The following ROBO2 variants were observed in gnomAD, a reference collection of about 807,000 sequenced individuals.
ROBO2 encodes the protein roundabout guidance receptor 2, also known as roundabout homolog 2.
A neutral mutation model predicts 160.8 loss-of-function variants in ROBO2; 53 were observed. The ratio of observed to expected loss-of-function variants is 0.33; its 90% CI spans 0.26 to 0.41. The LOEUF (loss-of-function observed/expected upper bound fraction) is 0.41. ROBO2 is among the 10% of genes least tolerant of loss of function. ROBO2 has a pLI of 1.00. For synonymous variants in ROBO2, 664 were observed against 611.7 expected (o/e 1.09, Z -1.26); for missense variants, 1,577 against 1,722.4 (o/e 0.92, Z 1.49).
At chr3:76,216,227 C>T (rs186100002) in intron 2 of ROBO2, among the ~76,000 whole-genome samples, 116 of 152,214 alleles carry the variant, frequency 7.6e-4, no homozygotes, top group African/African-American at 2.3e-3. Context: ...TAAAGATCGT[C>T]GAGGCTAGGA....
chr3:77,043,298 C>G (rs957550747), intron 1 of ROBO2, among the ~76,000 whole-genome samples: 1 of 152,132 alleles, frequency 6.6e-6, no homozygotes, highest in African/African-American at 2.4e-5. Flanking sequence ...TGTACCATTT[C>G]AAAGATATAC....
chr3:76,146,404 C>A (rs1294686781), intron 2 of ROBO2, among the ~76,000 whole-genome samples: 1 of 151,862 alleles, frequency 6.6e-6, no homozygotes, highest in Non-Finnish European at 1.5e-5. Context: ...ACTCATTTCT[C>A]AAGGTCCTCA....
intron 2 of ROBO2, among the ~76,000 whole-genome samples, chr3:77,474,901 T>C (rs2083808613): frequency 6.6e-6 from 1 of 152,188 alleles, no homozygotes. Flanking sequence ...TTTACTTTTC[T>C]TACATTTATG....
At chr3:76,376,130 T>G (rs2076334642) in intron 2 of ROBO2, among the ~76,000 whole-genome samples, 1 of 152,128 alleles carries the variant, frequency 6.6e-6, no homozygotes, top group Admixed American at 6.6e-5. Flanking sequence ...TCCTAAAATC[T>G]TAATTCTTCC....
At chr3:76,184,638 C>G (rs1004762009) in intron 2 of ROBO2, among the ~76,000 whole-genome samples, 3 of 151,988 alleles carry the variant, frequency 2.0e-5, no homozygotes, top group African/African-American at 7.2e-5. Context: ...GTTCTGGAGG[C>G]TGAGAAGTCC....
intron 6 of ROBO2, 143 bp from the exon 7 acceptor site, chr3:77,527,260 G>A (rs2091253183): frequency 2.5e-6 from 1 of 405,336 alleles, no homozygotes; most frequent in Admixed American, 3.9e-5. Flanking sequence ...CAGACATCTT[G>A]GTCATACTTG....
chr3:76,418,909 C>A (rs1269121716), intron 2 of ROBO2, among the ~76,000 whole-genome samples: 1 of 152,080 alleles, frequency 6.6e-6, no homozygotes, highest in African/African-American at 2.4e-5. Flanking sequence ...TCAATTATTT[C>A]TTGTGTGCAG....
intron 2 of ROBO2, among the ~76,000 whole-genome samples, chr3:77,434,839 T>G (rs372149877): frequency 6.6e-6 from 1 of 152,244 alleles, no homozygotes; most frequent in East Asian, 1.9e-4. Flanking sequence ...GGATACCCTT[T>G]TATTTTAAGA....
chr3:75,946,175 C>A (rs78325588), intron 2 of ROBO2, among the ~76,000 whole-genome samples: 403 of 145,406 alleles, frequency 2.8e-3, no homozygotes, highest in Middle Eastern at 0.014. Context: ...ATCATAATAT[C>A]ATGAAAAGAG....
At position 77,414,311 on chromosome 3, in the gene ROBO2, A is replaced by C. The variant is rs76285121; in HGVS notation, c.389-63103A>C. On this transcript the variant is annotated intron_variant, in intron 2 of 25. Transcript: ENST00000461745. The stretch of plus-strand genomic sequence containing the variant: ...AAAAGCAATTTTCCTGGAGTGGTAC[A>C]AGGAAAGTCTCTATTGCAGGAGGTT... 7.9e-5 allele frequency among the ~76,000 whole-genome samples: 12 copies of C among 152,340 alleles called. No homozygotes were observed. In the East Asian group the frequency reaches 2.3e-3, roughly 29 times the overall value.
intron 2 of ROBO2, among the ~76,000 whole-genome samples, chr3:77,166,989 C>A (rs2079156826): frequency 6.6e-6 from 1 of 152,170 alleles, no homozygotes; most frequent in Admixed American, 6.5e-5. Context: ...TTCTTTCTTG[C>A]ACTTACATGG....
At chr3:76,748,834 A>C (rs2093934137) in intron 2 of ROBO2, among the ~76,000 whole-genome samples, 1 of 151,932 alleles carries the variant, frequency 6.6e-6, no homozygotes, top group South Asian at 2.1e-4. Flanking sequence ...AAATTTTATG[A>C]ATTTGTTTTA....
chr3:76,522,161 C>T (rs750081934), intron 2 of ROBO2, among the ~76,000 whole-genome samples: 50 of 152,064 alleles, frequency 3.3e-4, no homozygotes, highest in Non-Finnish European at 6.2e-4. Flanking sequence ...TGTTTATGGG[C>T]CCCTCCTCAC....
intron 2 of ROBO2, among the ~76,000 whole-genome samples, chr3:76,244,897 G>A (rs548323582): frequency 3.3e-5 from 5 of 152,160 alleles, no homozygotes; most frequent in East Asian, 1.9e-4. Context: ...CTGTGTCTTC[G>A]GTATCTAGAT....
chr3:76,490,932 T>C (rs1317273290), intron 2 of ROBO2, among the ~76,000 whole-genome samples: 3 of 151,718 alleles, frequency 2.0e-5, no homozygotes, highest in South Asian at 2.1e-4. Context: ...AATTAATTCA[T>C]TTGATCCTCA....
chr3:76,700,730 G>T (rs986908139), intron 2 of ROBO2, among the ~76,000 whole-genome samples: 2 of 152,074 alleles, frequency 1.3e-5, no homozygotes, highest in African/African-American at 4.8e-5. Context: ...TATGTGTATA[G>T]CCCTTCTAAT....
At chr3:77,258,474 T>C (rs2058564335) in intron 2 of ROBO2, among the ~76,000 whole-genome samples, 2 of 152,088 alleles carry the variant, frequency 1.3e-5, no homozygotes, top group Non-Finnish European at 2.9e-5. Flanking sequence ...CCAGGTAAGA[T>C]TAGCTGGCCA....
At chr3:77,104,049 T>A (rs1400448027) in intron 2 of ROBO2, among the ~76,000 whole-genome samples, 1 of 152,182 alleles carries the variant, frequency 6.6e-6, no homozygotes, top group Non-Finnish European at 1.5e-5. Context: ...TTAAAAAAAA[T>A]GCTTAATTGA....
intron 2 of ROBO2, among the ~76,000 whole-genome samples, chr3:76,648,356 T>C (rs1217124918): frequency 6.6e-6 from 1 of 152,092 alleles, no homozygotes. Context: ...TATGGAATAC[T>C]TAAAAGTAAA....
Sources: gnomAD v4.1 joint callset for allele counts (sites outside exome capture counted in the v4.1 genomes callset) on GRCh38, gnomAD v4.1.1 for gene constraint, MANE v1.5 for transcripts, NCBI Gene and HGNC (gene_info 2026-07-23, HGNC 2026-07-21) for gene names.